The following ADAMTS12 variants were observed in gnomAD, a reference collection of about 807,000 sequenced individuals.
ADAMTS12 encodes the protein ADAM metallopeptidase with thrombospondin type 1 motif 12, also known as A disintegrin and metalloproteinase with thrombospondin motifs 12.
ADAMTS12 carries 118 observed loss-of-function variants against 167.8 expected under a neutral mutation model. That is an observed-to-expected ratio of 0.70 (90% CI 0.61 to 0.82). The LOEUF (loss-of-function observed/expected upper bound fraction) is 0.82, where lower values mean the gene tolerates loss of function less well. Ranked by LOEUF, ADAMTS12 falls within the 40% of genes least tolerant of loss-of-function variation. The pLI is 0.00. For missense variants in ADAMTS12, 1,916 were observed against 1,998.8 expected, an observed-to-expected ratio of 0.96 and a Z score of 0.79; for synonymous variants, 704 against 716.9, an observed-to-expected ratio of 0.98 and a Z score of 0.29.
chr5:33,653,949 C>T (rs1311784532), intron 7 of ADAMTS12, among the ~76,000 whole-genome samples: 1 of 152,116 alleles, frequency 6.6e-6, no homozygotes, highest in East Asian at 1.9e-4. Flanking sequence ...AACGTAAGAT[C>T]TTTTGTTATA....
At chr5:33,736,338 C>G (rs1351792330) in intron 3 of ADAMTS12, among the ~76,000 whole-genome samples, 1 of 152,222 alleles carries the variant, frequency 6.6e-6, no homozygotes, top group Non-Finnish European at 1.5e-5. Flanking sequence ...GCTGAGATTA[C>G]AGGCGTGAGC....
intron 2 of ADAMTS12, among the ~76,000 whole-genome samples, chr5:33,833,697 T>A (rs549823201): frequency 1.3e-5 from 2 of 152,302 alleles, no homozygotes; most frequent in African/African-American, 4.8e-5. Flanking sequence ...TCAAAAACCG[T>A]CCAAGCTTTT....
chr5:33,565,476 C>A (rs1745966941), intron 19 of ADAMTS12, among the ~76,000 whole-genome samples: 1 of 152,146 alleles, frequency 6.6e-6, no homozygotes, highest in Non-Finnish European at 1.5e-5. Flanking sequence ...TAAACATTTT[C>A]TCTCAAAACA....
In ADAMTS12 at chr5:33,881,248, C is replaced by A; in HGVS notation, c.360G>T (p.Glu120Asp). The change falls in exon 2 of 24, where the codon GAG (glutamate) becomes GAT (aspartate). Residue 120 changes from glutamate (E) to aspartate (D), a missense_variant. By Grantham distance (45) the Glu-to-Asp change is conservative. Coordinates refer to ENST00000504830, the MANE Select transcript of ADAMTS12 (RefSeq NM_030955.4). Reference sequence around the variant, plus strand: ...CATGGGAGAGGTTCCCATATCTCTTCTCCATGATGTAGCTATTGGAAAGAA... The same window carrying A: ...CATGGGAGAGGTTCCCATATCTCTTATCCATGATGTAGCTATTGGAAAGAA... ...QGFLSNSYIMEKRYGNLSHVK... is the reference protein window; with the variant it reads ...QGFLSNSYIMDKRYGNLSHVK... 6.2e-7 allele frequency: 1 copy of A among 1,614,212 alleles called. No individual in the cohort carries two copies. Among genetic ancestry groups the A allele is most frequent in the Non-Finnish European group, 8.5e-7 (1 of 1,180,030 alleles).
chr5:33,666,079 C>T (rs1325644031), intron 5 of ADAMTS12, among the ~76,000 whole-genome samples: 1 of 152,236 alleles, frequency 6.6e-6, no homozygotes, highest in African/African-American at 2.4e-5. Context: ...CTTTGAGCCT[C>T]TAAGCTCAGT....
chr5:33,605,416 T>C (rs1738385284), intron 16 of ADAMTS12, among the ~76,000 whole-genome samples: 1 of 152,230 alleles, frequency 6.6e-6, no homozygotes, highest in African/African-American at 2.4e-5. Context: ...ATAATTTCTA[T>C]TAGTTGAGCA....
chr5:33,813,792 G>C (rs1474591857), intron 2 of ADAMTS12, among the ~76,000 whole-genome samples: 1 of 152,194 alleles, frequency 6.6e-6, no homozygotes, highest in Non-Finnish European at 1.5e-5. Flanking sequence ...TCCAATCCCC[G>C]TCAAGCCACC....
intron 21 of ADAMTS12, among the ~76,000 whole-genome samples, chr5:33,548,177 A>G (rs1400830577): frequency 6.6e-6 from 1 of 152,190 alleles, no homozygotes; most frequent in African/African-American, 2.4e-5. Flanking sequence ...GGTGCCCCCA[A>G]AATAGTTATT....
At chr5:33,593,702 G>C (rs547978097) in intron 17 of ADAMTS12, among the ~76,000 whole-genome samples, 1 of 152,100 alleles carries the variant, frequency 6.6e-6, no homozygotes, top group Non-Finnish European at 1.5e-5. Context: ...CTAGGGGTGG[G>C]AGAGCATTAG....
intron 2 of ADAMTS12, among the ~76,000 whole-genome samples, chr5:33,841,051 G>A (rs912569156): frequency 2.0e-5 from 3 of 152,030 alleles, no homozygotes. Flanking sequence ...CAATTGAGCT[G>A]CTCCCACCCT....
chr5:33,681,374 G>A (rs1370937729), intron 5 of ADAMTS12, among the ~76,000 whole-genome samples: 7 of 152,140 alleles, frequency 4.6e-5, no homozygotes, highest in African/African-American at 1.2e-4. Context: ...GAATGATGCC[G>A]TTCTTTACAT....
chr5:33,884,251 C>A (rs1035363783), intron 1 of ADAMTS12, among the ~76,000 whole-genome samples: 1 of 152,138 alleles, frequency 6.6e-6, no homozygotes, highest in East Asian at 1.9e-4. Flanking sequence ...TTTACTGAAA[C>A]CACGTCACCC....
intron 7 of ADAMTS12, among the ~76,000 whole-genome samples, chr5:33,650,316 C>T (rs182729673): frequency 6.6e-6 from 1 of 152,170 alleles, no homozygotes; most frequent in African/African-American, 2.4e-5. Flanking sequence ...ATTTTCTTCT[C>T]CTAGAAGATG....
rs1322164578 is a variant in ADAMTS12 at position 33,883,316 on chromosome 5, G to GTTTTTTTTTTGTT, written c.128-1849_128-1837dup. On this transcript the variant is annotated intron_variant, in intron 1 of 23. Coordinates refer to ENST00000504830, the MANE Select transcript of ADAMTS12 (RefSeq NM_030955.4). ...AAGAGTTTTTTTGTTTGTTTGTTTG[G>GTTTTTTTTTTGTT]TTTTTTTTTTGTTTTTTTTTTTTTT... Among the ~76,000 whole-genome samples, 8 of 125,764 alleles carry GTTTTTTTTTTGTT rather than the reference G, an allele frequency of 6.4e-5. No homozygotes were observed. The East Asian group carries it at 6.7e-4, about 11-fold the overall frequency. 82.5% of individuals were successfully genotyped at this position (125,764 alleles called of 152,430 possible).
At chr5:33,845,062 A>G (rs754730280) in intron 2 of ADAMTS12, among the ~76,000 whole-genome samples, 19 of 152,190 alleles carry the variant, frequency 1.2e-4, no homozygotes, top group Admixed American at 2.0e-4. Context: ...ATTAGTGTAA[A>G]CCCATAATTT....
At chr5:33,803,291 C>A (rs1693650712) in intron 2 of ADAMTS12, among the ~76,000 whole-genome samples, 2 of 152,204 alleles carry the variant, frequency 1.3e-5, no homozygotes. Flanking sequence ...CTGATAGAAT[C>A]AGACACATTA....
chr5:33,882,969 G>A (rs954987101), intron 1 of ADAMTS12, among the ~76,000 whole-genome samples: 2 of 152,126 alleles, frequency 1.3e-5, no homozygotes, highest in Non-Finnish European at 2.9e-5. Context: ...TACTTTGCTC[G>A]TGTAACTTCC....
At chr5:33,611,860 C>T (rs896297724) in intron 16 of ADAMTS12, among the ~76,000 whole-genome samples, 4 of 152,004 alleles carry the variant, frequency 2.6e-5, no homozygotes, top group Non-Finnish European at 5.9e-5. Context: ...ATACACACAC[C>T]TATATACATC....
At chr5:33,800,718 C>T (rs1746965863) in intron 2 of ADAMTS12, among the ~76,000 whole-genome samples, 1 of 152,104 alleles carries the variant, frequency 6.6e-6, no homozygotes, top group African/African-American at 2.4e-5. Flanking sequence ...CAGTCTTCTC[C>T]TACAAGAAGC....
Sources: gnomAD v4.1 joint callset for allele counts (sites outside exome capture counted in the v4.1 genomes callset) on GRCh38, gnomAD v4.1.1 for gene constraint, MANE v1.5 for transcripts, NCBI Gene and HGNC (gene_info 2026-07-23, HGNC 2026-07-21) for gene names.